KLF8: variants seen among roughly 807,000 people sequenced by gnomAD.
KLF8 encodes the protein Krueppel-like factor 8.
KLF8 carries 10 observed loss-of-function variants against 18.2 expected under a neutral mutation model. The ratio of observed to expected loss-of-function variants is 0.55; its 90% CI spans 0.34 to 0.93. The LOEUF (loss-of-function observed/expected upper bound fraction) is 0.93, where lower values mean the gene tolerates loss of function less well. KLF8 is among the 40% of genes least tolerant of loss of function. The pLI is 0.02. For missense variants in KLF8, 264 were observed against 277.9 expected, an observed-to-expected ratio of 0.95 and a Z score of 0.36; for synonymous variants, 109 against 97.3, an observed-to-expected ratio of 1.12 and a Z score of -0.71.
chrX:56,179,676 A>C, the KLF8 span, among the ~76,000 whole-genome samples: 21 of 111,861 alleles, frequency 1.9e-4, no homozygotes, highest in Non-Finnish European at 3.9e-4. Flanking sequence ...TCAATATCTA[A>C]TTTATTGAGA....
At chrX:56,085,430 C>T in the KLF8 span, among the ~76,000 whole-genome samples, 1 of 111,894 alleles carries the variant, frequency 8.9e-6, no homozygotes, top group Non-Finnish European at 1.9e-5. Context: ...CCAGTAGCGC[C>T]GAAGACAGAA....
At chrX:55,966,227 C>T in the KLF8 span, among the ~76,000 whole-genome samples, 1 of 112,624 alleles carries the variant, frequency 8.9e-6, no homozygotes, top group African/African-American at 3.2e-5. Flanking sequence ...TCTGGCTTCA[C>T]CATCTGCTAA....
chrX:55,923,705 CGTGTGTGT>C, the KLF8 span, among the ~76,000 whole-genome samples: 11,076 of 98,169 alleles, frequency 0.11, 1,301 homozygotes, highest in African/African-American at 0.35. Context: ...TAAAGATCCA[CGTGTGTGT>C]GTGTGTGTGT....
At chrX:56,222,300 C>A in the KLF8 span, among the ~76,000 whole-genome samples, 1 of 109,685 alleles carries the variant, frequency 9.1e-6, no homozygotes, top group Non-Finnish European at 1.9e-5. Flanking sequence ...ATAGAGAGTG[C>A]CGATTGGTGT....
the KLF8 span, among the ~76,000 whole-genome samples, chrX:56,091,736 C>G: frequency 1.1e-4 from 12 of 111,798 alleles, no homozygotes; most frequent in African/African-American, 3.9e-4. Context: ...CTCAGATGAT[C>G]CACCCAGTTT....
At chrX:55,960,171 C>T in the KLF8 span, among the ~76,000 whole-genome samples, 1 of 112,120 alleles carries the variant, frequency 8.9e-6, no homozygotes, top group Non-Finnish European at 1.9e-5. Flanking sequence ...AAATAAGATT[C>T]TTTTCATACA....
At chrX:56,220,042 A>G in the KLF8 span, among the ~76,000 whole-genome samples, 2 of 112,189 alleles carry the variant, frequency 1.8e-5, no homozygotes, top group African/African-American at 6.5e-5. Context: ...CTAATTTGAT[A>G]GCTATTATTA....
the KLF8 span, among the ~76,000 whole-genome samples, chrX:56,038,794 C>G: frequency 2.7e-5 from 3 of 112,583 alleles, no homozygotes; most frequent in African/African-American, 9.7e-5. Flanking sequence ...CTGCCACACT[C>G]TCTTACACAA....
chrX:56,140,138 A>G, the KLF8 span, among the ~76,000 whole-genome samples: 1 of 112,539 alleles, frequency 8.9e-6, no homozygotes, highest in Non-Finnish European at 1.9e-5. Flanking sequence ...TGAAAAGGTA[A>G]TGCTTATACA....
the KLF8 span, among the ~76,000 whole-genome samples, chrX:56,024,643 G>C: frequency 1.8e-5 from 2 of 111,997 alleles, no homozygotes; most frequent in Non-Finnish European, 3.8e-5. Flanking sequence ...ATGATTGATC[G>C]AGCAATCTAG....
chrX:56,268,589 T>A, intron 3 of KLF8: 1 of 335,789 alleles, frequency 3.0e-6, no homozygotes, highest in Non-Finnish European at 3.9e-6. Flanking sequence ...ATCACATACA[T>A]GCACAAACAT....
the KLF8 span, among the ~76,000 whole-genome samples, chrX:55,967,725 A>G: frequency 8.9e-6 from 1 of 111,810 alleles, no homozygotes; most frequent in African/African-American, 3.2e-5. Flanking sequence ...ATATTATAAC[A>G]TTATAATTGT....
chrX:56,119,646 C>A, the KLF8 span, among the ~76,000 whole-genome samples: 3 of 110,063 alleles, frequency 2.7e-5, no homozygotes. Context: ...ATGATCCACC[C>A]GCCTTTGCCT....
the KLF8 span, among the ~76,000 whole-genome samples, chrX:56,127,354 C>T: frequency 5.4e-5 from 6 of 111,372 alleles, no homozygotes; most frequent in African/African-American, 1.6e-4. Context: ...GCCTCCACTA[C>T]AGATAAAACA....
chrX:56,067,040 C>T, the KLF8 span, among the ~76,000 whole-genome samples: 2 of 109,384 alleles, frequency 1.8e-5, no homozygotes, highest in African/African-American at 3.3e-5. Flanking sequence ...GACTACCTTG[C>T]TTCTCTCTCC....
At chrX:56,204,089 T>C in the KLF8 span, among the ~76,000 whole-genome samples, 1 of 111,705 alleles carries the variant, frequency 9.0e-6, no homozygotes, top group African/African-American at 3.2e-5. Flanking sequence ...AGTGTTCTCT[T>C]AAATTTCTCT....
chrX:56,187,790 A>T, the KLF8 span, among the ~76,000 whole-genome samples: 1 of 110,578 alleles, frequency 9.0e-6, no homozygotes, highest in Non-Finnish European at 1.9e-5. Context: ...TTATCTCAAT[A>T]GATGCAGAAA....
the KLF8 span, among the ~76,000 whole-genome samples, chrX:56,031,328 CCAAAGT>C: frequency 8.0e-5 from 9 of 111,953 alleles, no homozygotes; most frequent in East Asian, 2.2e-3. Flanking sequence ...AAAACCAAAA[CCAAAGT>C]ATCAAGCAAT....
the KLF8 span, among the ~76,000 whole-genome samples, chrX:55,989,291 A>G: frequency 3.6e-5 from 4 of 111,932 alleles, no homozygotes; most frequent in Non-Finnish European, 5.6e-5. Flanking sequence ...AGTTTTCAAA[A>G]GGAATGCTTC....
Sources: allele counts gnomAD v4.1 joint callset (sites outside exome capture counted in the v4.1 genomes callset), GRCh38; gene constraint gnomAD v4.1.1; transcripts MANE v1.5; gene names NCBI Gene and HGNC (gene_info 2026-07-23, HGNC 2026-07-21).